The following KCNAB2 variants were observed in gnomAD, a reference collection of about 807,000 sequenced individuals.
KCNAB2 encodes the protein voltage-gated potassium channel subunit beta-2.
In KCNAB2, 29 loss-of-function variants were observed where a neutral mutation model predicts 63.6. That is an observed-to-expected ratio of 0.46 (90% CI 0.34 to 0.62). The LOEUF (loss-of-function observed/expected upper bound fraction) is 0.62. Ranked by LOEUF, KCNAB2 falls within the 20% of genes least tolerant of loss-of-function variation. The probability of loss-of-function intolerance (pLI) is 0.01; values close to 1 mark genes in which losing one functional copy is unlikely to be tolerated. For synonymous variants in KCNAB2, 222 were observed against 224.2 expected, an observed-to-expected ratio of 0.99 and a Z score of 0.09; for missense variants, 359 against 563.9, an observed-to-expected ratio of 0.64 and a Z score of 3.68.
At chr1:6,043,307 C>T (rs1428456105), upstream of KCNAB2, among the ~76,000 whole-genome samples, 2 of 152,088 alleles carry the variant, frequency 1.3e-5, no homozygotes, top group Admixed American at 6.6e-5. Context: ...CCATCCAGCT[C>T]CAAGGGCCTG....
At chr1:6,004,829 A>G (rs1476280901) in intron 1 of KCNAB2, among the ~76,000 whole-genome samples, 1 of 151,452 alleles carries the variant, frequency 6.6e-6, no homozygotes, top group Non-Finnish European at 1.5e-5. Flanking sequence ...TCTACCCCCG[A>G]GTCCCACCTC....
chr1:6,053,679 A>T (rs1661571606), intron 2 of KCNAB2, among the ~76,000 whole-genome samples: 1 of 152,130 alleles, frequency 6.6e-6, no homozygotes, highest in Non-Finnish European at 1.5e-5. Flanking sequence ...CCATCCTCCA[A>T]ACTCAGGGAA....
At chr1:6,076,822 C>A (rs1663707460) in intron 4 of KCNAB2, among the ~76,000 whole-genome samples, 1 of 152,182 alleles carries the variant, frequency 6.6e-6, no homozygotes, top group African/African-American at 2.4e-5. Context: ...CTGGAAGGAA[C>A]CAAAAAGTCA....
At chr1:6,007,882 ACTGCAGCCAGGTAGAGGCAG>A (rs1279799835) in intron 1 of KCNAB2, among the ~76,000 whole-genome samples, 4 of 152,082 alleles carry the variant, frequency 2.6e-5, no homozygotes, top group African/African-American at 4.8e-5. Flanking sequence ...TCTCCCTGGC[ACTGCAGCCAGGTAGAGGCAG>A]CTGCAGCCGC....
intron 2 of KCNAB2, among the ~76,000 whole-genome samples, chr1:6,070,507 T>C (rs551558258): frequency 6.6e-5 from 10 of 152,256 alleles, no homozygotes; most frequent in African/African-American, 1.9e-4. Flanking sequence ...CAGAGGGTAC[T>C]ATCAAGAGTA....
chr1:6,061,111 G>T (rs924080488), intron 2 of KCNAB2, among the ~76,000 whole-genome samples: 1 of 152,180 alleles, frequency 6.6e-6, no homozygotes, highest in Non-Finnish European at 1.5e-5. Flanking sequence ...GGAAGCCTCC[G>T]CTACAGCAGG....
chr1:6,024,162 G>A lies in KCNAB2; in HGVS notation c.-52-16355G>A, dbSNP rs1471646718. Among the ~76,000 whole-genome samples, 2 of 152,048 alleles carry A rather than the reference G, an allele frequency of 1.3e-5. No homozygotes were observed. The highest frequency in any genetic ancestry group is 2.4e-5 in the African/African-American group (1 of 41,396). ...TCACCATGTTGGTCAGGCTGGTCTC[G>A]AACTCCTGACCTCAGGTGATCCACC... On this transcript the variant is annotated intron_variant, in intron 1 of 16. Coordinates refer to the KCNAB2 transcript ENST00000341524. This position sits in a 1 kb window ranked among gnomAD's most constrained non-coding sequence, Gnocchi z 5.4.
At chr1:6,083,474 G>T (rs898859688) in intron 5 of KCNAB2, among the ~76,000 whole-genome samples, 4 of 152,226 alleles carry the variant, frequency 2.6e-5, no homozygotes, top group Non-Finnish European at 5.9e-5. Context: ...GAGCTGGTGA[G>T]CTGGGCAAGT....
intron 10 of KCNAB2, 139 bp downstream of exon 10, chr1:6,091,446 T>C: frequency 3.1e-6 from 2 of 654,350 alleles, no homozygotes; most frequent in East Asian, 2.8e-5. Context: ...GAGCACCCTA[T>C]GAGAACACCT....
At chr1:6,004,081 CAG>C (rs773778261) in intron 1 of KCNAB2, among the ~76,000 whole-genome samples, 37 of 152,200 alleles carry the variant, frequency 2.4e-4, no homozygotes, top group Non-Finnish European at 1.5e-4. Flanking sequence ...AACGCAAATA[CAG>C]AGAGGGCTGC....
intron 4 of KCNAB2, among the ~76,000 whole-genome samples, chr1:6,076,847 C>T (rs1480291194): frequency 6.6e-6 from 1 of 152,150 alleles, no homozygotes; most frequent in African/African-American, 2.4e-5. Flanking sequence ...ATAAAGGCTG[C>T]GTAAACTGAA....
chr1:6,087,346 C>A lies in KCNAB2; in HGVS notation c.426-121C>A. 9.2e-7 allele frequency: 1 copy of A among 1,085,108 alleles called. No homozygotes were observed. Among genetic ancestry groups the A allele is most frequent in the African/African-American group, 1.6e-5 (1 of 64,426 alleles). 67.2% of individuals were successfully genotyped at this position (1,085,108 alleles called of 1,614,324 possible). ...GATGGAGAAGTGCCCATTTCATGCC[C>A]CAGGCTCCTGGGTGGGAGGGCTTTC... On this transcript the variant is annotated intron_variant, in intron 6 of 15. Transcript: ENST00000378083. This position sits in a 1 kb window ranked among gnomAD's most constrained non-coding sequence, Gnocchi z 6.4.
chr1:6,052,388 T>C (rs546936221), intron 2 of KCNAB2, among the ~76,000 whole-genome samples: 1 of 150,950 alleles, frequency 6.6e-6, no homozygotes, highest in African/African-American at 2.4e-5. Context: ...ATCGCACCAC[T>C]GCACTCCAGG....
intron 1 of KCNAB2, among the ~76,000 whole-genome samples, chr1:5,995,046 C>T (rs1656867697): frequency 6.6e-6 from 1 of 152,128 alleles, no homozygotes; most frequent in Non-Finnish European, 1.5e-5. Flanking sequence ...TGGCCAGGTG[C>T]GGTATGTGTC....
intron 2 of KCNAB2, among the ~76,000 whole-genome samples, chr1:6,072,415 G>A (rs1005980587): frequency 6.6e-6 from 1 of 152,240 alleles, no homozygotes; most frequent in Non-Finnish European, 1.5e-5. Context: ...AAGGGGCGCC[G>A]CATGGATGGT....
Position 6,073,631 on chromosome 1 carries a change from C to T in KCNAB2, c.263-102C>T. On this transcript the variant is annotated intron_variant, in intron 3 of 15. Coordinates refer to ENST00000378083, the MANE Select transcript of KCNAB2 (RefSeq NM_001199862.2). This position sits in a 1 kb window ranked among gnomAD's most constrained non-coding sequence, Gnocchi z 5.7. ...GCCACAGAGCAGCACAGAGGGACAC[C>T]TGTGGCTGCCCCCTGTGCCCTACAG... 9.4e-7 allele frequency: 1 copy of T among 1,069,186 alleles called. No homozygotes were observed. Among genetic ancestry groups the T allele is most frequent in the African/African-American group, 1.6e-5 (1 of 64,400 alleles). 66.2% of individuals were successfully genotyped at this position (1,069,186 alleles called of 1,614,324 possible).
In KCNAB2 at chr1:6,085,483, C is replaced by T. The variant is rs553287281; in HGVS notation, c.425+235C>T. Among the ~76,000 whole-genome samples the T allele has an allele frequency of 4.6e-5, 7 of 152,288 alleles. No homozygotes were observed. The East Asian group carries it at 7.7e-4, about 17-fold the overall frequency. On this transcript the variant is annotated intron_variant, in intron 6 of 15. Coordinates refer to ENST00000378083, the MANE Select transcript of KCNAB2 (RefSeq NM_001199862.2). ...CACCCCCACCCTAGCCTGCCCACTC[C>T]GCCTCTGTCCCAACTCATCCACAGA...
chr1:6,062,118 G>A (rs2100596115), intron 2 of KCNAB2, among the ~76,000 whole-genome samples: 1 of 152,196 alleles, frequency 6.6e-6, no homozygotes, highest in East Asian at 1.9e-4. Flanking sequence ...TTCAAGACCA[G>A]CCTGACCAAC....
At position 6,069,663 on chromosome 1, in the gene KCNAB2, C is replaced by T. The variant is rs1663035551; in HGVS notation, c.219-3092C>T. Reference sequence around the variant, plus strand: ...AAGTACAGCAGGGAGCAGCCCCATCCAGACCCGGCTGAGACGTGTGCTCCC... The same window carrying T: ...AAGTACAGCAGGGAGCAGCCCCATCTAGACCCGGCTGAGACGTGTGCTCCC... On this transcript the variant is annotated intron_variant, in intron 2 of 15. Transcript: ENST00000378083. The surrounding 1 kb of genome is among the most constrained non-coding windows in gnomAD (Gnocchi z 5.4). 6.6e-6 allele frequency among the ~76,000 whole-genome samples: 1 copy of T among 152,186 alleles called. No homozygotes were observed. The highest frequency in any genetic ancestry group is 1.5e-5 in the Non-Finnish European group (1 of 68,042).
Sources: gnomAD v4.1 joint callset for allele counts (sites outside exome capture counted in the v4.1 genomes callset) on GRCh38, gnomAD v4.1.1 for gene constraint, Gnocchi (gnomAD v3.1) non-coding constraint, MANE v1.5 for transcripts, NCBI Gene and HGNC (gene_info 2026-07-23, HGNC 2026-07-21) for gene names.